AFG1L: variants seen among roughly 807,000 people sequenced by gnomAD.
AFG1L encodes the protein AFG1 like ATPase.
Under a neutral mutation model 62.2 loss-of-function variants are expected in AFG1L, and 53 were observed. That is an observed-to-expected ratio of 0.85 (90% CI 0.68 to 1.07). AFG1L has a LOEUF of 1.07. AFG1L is among the 50% of genes least tolerant of loss of function. The pLI, the probability that AFG1L is intolerant of heterozygous loss-of-function variation, is 0.00. For synonymous variants in AFG1L, 228 were observed against 210.3 expected (o/e 1.08, Z -0.73); for missense variants, 555 against 590.5 (o/e 0.94, Z 0.62).
intron 7 of AFG1L, among the ~76,000 whole-genome samples, chr6:108,405,939 A>C (rs955941565): frequency 6.6e-6 from 1 of 152,200 alleles, no homozygotes; most frequent in African/African-American, 2.4e-5. Context: ...AAGTTTATGC[A>C]TGTTGTAACA....
In AFG1L at chr6:108,436,485, C is replaced by T. The variant is rs536755809; in HGVS notation, c.808-10729C>T. Among the ~76,000 whole-genome samples the T allele has an allele frequency of 6.6e-5, 10 of 152,220 alleles. No individual in the cohort carries two copies. In the South Asian group the frequency reaches 1.0e-3, roughly 16 times the overall value. ...AAATAAACCAATCTGTTTATTGCAA[C>T]GTAGCTATTTCTCAGGAAAGCAAGC... On this transcript the variant is annotated intron_variant, in intron 7 of 12. Coordinates refer to ENST00000368977, the MANE Select transcript of AFG1L (RefSeq NM_145315.5).
Position 108,522,382 on chromosome 6 carries a change from A to C in AFG1L, c.1403A>C (p.Gln468Pro), listed in dbSNP as rs1380996164. 1 of 1,614,130 alleles carries C rather than the reference A, an allele frequency of 6.2e-7. No individual in the cohort carries two copies. The highest frequency in any genetic ancestry group is 8.5e-7 in the Non-Finnish European group (1 of 1,179,978). The change falls in exon 13 of 13, where the codon CAG (glutamine) becomes CCG (proline). Residue 468 changes from glutamine (Q) to proline (P), a missense_variant. Transcript: ENST00000368977. ...QRTISRLTEM[Q>P]TEQYWNEGDR... is the part of the protein sequence containing the mutation. ...ACAATTTCCCGACTCACGGAAATGC[A>C]GACTGAACAGTACTGGAATGAAGGA...
At chr6:108,505,249 G>A (rs1342053322) in intron 10 of AFG1L, among the ~76,000 whole-genome samples, 3 of 151,894 alleles carry the variant, frequency 2.0e-5, no homozygotes, top group South Asian at 2.1e-4. Flanking sequence ...GCCTGCCGCC[G>A]CACCCGGCTA....
chr6:108,488,502 A>C (rs536040241), intron 10 of AFG1L, among the ~76,000 whole-genome samples: 1 of 152,234 alleles, frequency 6.6e-6, no homozygotes, highest in South Asian at 2.1e-4. Context: ...AAAGGAAATC[A>C]TGAGGGGCAT....
chr6:108,497,729 A>G (rs1166555771), intron 10 of AFG1L, among the ~76,000 whole-genome samples: 1 of 152,190 alleles, frequency 6.6e-6, no homozygotes. Flanking sequence ...GTTTAAATAT[A>G]CTTATCAATT....
chr6:108,505,845 C>T (rs1332809019), intron 10 of AFG1L, among the ~76,000 whole-genome samples: 2 of 151,942 alleles, frequency 1.3e-5, no homozygotes, highest in South Asian at 2.1e-4. Flanking sequence ...GAGAGTATGA[C>T]GTTTAACCTA....
Position 108,510,217 on chromosome 6 carries a change from T to C in AFG1L, c.1068T>C (p.Leu356=). 5.6e-6 allele frequency: 9 copies of C among 1,603,434 alleles called. No individual in the cohort carries two copies. The highest frequency in any genetic ancestry group is 1.3e-5 in the African/African-American group (1 of 74,586). The stretch of plus-strand genomic sequence containing the variant: ...TTTATTTCATTTTATCATAGCCACT[T>C]GGAGCCAGTGACTATTTGGAACTAT... The part of the protein sequence containing the change: ...CTFEELCERP[L]GASDYLELSK... The change falls in exon 11 of 13, where the codon CTT becomes CTC. Residue 356 remains leucine, a synonymous_variant. Transcript: ENST00000368977.
At chr6:108,402,413 G>A (rs993847197) in intron 7 of AFG1L, among the ~76,000 whole-genome samples, 10 of 147,794 alleles carry the variant, frequency 6.8e-5, no homozygotes, top group South Asian at 2.1e-4. Context: ...GCAGTGAGCC[G>A]AGATCACGCC....
chr6:108,345,176 G>T (rs1235873997), intron 2 of AFG1L, among the ~76,000 whole-genome samples: 1 of 152,070 alleles, frequency 6.6e-6, no homozygotes, highest in East Asian at 1.9e-4. Context: ...TGTAAAAATG[G>T]TGTCTTGCAT....
chr6:108,387,987 GAAT>G (rs1389804350), intron 6 of AFG1L: 1 of 151,956 alleles, frequency 6.6e-6, no homozygotes, highest in African/African-American at 2.4e-5. Context: ...CAAATGAGTT[GAAT>G]AATTCCATCC....
At chr6:108,330,201 G>C (rs1208150778) in intron 2 of AFG1L, among the ~76,000 whole-genome samples, 2 of 122,894 alleles carry the variant, frequency 1.6e-5, no homozygotes, top group African/African-American at 2.8e-5. Context: ...TTTTTTTTGC[G>C]ACTGAGTCTC....
rs547856957 is a variant in AFG1L, at chr6:108,474,772, G to A, written c.891-2093G>A. Among the ~76,000 whole-genome samples the A allele has an allele frequency of 3.3e-5, 5 of 152,192 alleles. No individual in the cohort carries two copies. The East Asian group carries it at 9.7e-4, about 29-fold the overall frequency. The stretch of plus-strand genomic sequence containing the variant: ...TCTTGTAAATTTGTTTAAGTTCCTT[G>A]TAGATTCTGGATATTAAACCTTTGT... On this transcript the variant is annotated intron_variant, in intron 8 of 12. Coordinates refer to ENST00000368977, the MANE Select transcript of AFG1L (RefSeq NM_145315.5).
intron 7 of AFG1L, among the ~76,000 whole-genome samples, chr6:108,446,051 TACACAC>T (rs67384163): frequency 0.059 from 8,431 of 141,700 alleles, 361 homozygotes; most frequent in East Asian, 0.24. Flanking sequence ...TATGTAGAGA[TACACAC>T]ACACACACAC....
chr6:108,490,891 T>A (rs1320889878), intron 10 of AFG1L, among the ~76,000 whole-genome samples: 1 of 152,238 alleles, frequency 6.6e-6, no homozygotes, highest in African/African-American at 2.4e-5. Context: ...GCTCAGTACA[T>A]ACTTGGTAAC....
chr6:108,431,559 G>A (rs986426125), intron 7 of AFG1L, among the ~76,000 whole-genome samples: 7 of 150,434 alleles, frequency 4.7e-5, no homozygotes, highest in Non-Finnish European at 1.0e-4. Flanking sequence ...TTACACAGTA[G>A]CAGTTGCCAC....
At chr6:108,389,260 C>T (rs2114585352) in intron 6 of AFG1L, among the ~76,000 whole-genome samples, 1 of 152,136 alleles carries the variant, frequency 6.6e-6, no homozygotes, top group East Asian at 1.9e-4. Flanking sequence ...TTATTTTGAG[C>T]CTGTGTGTGT....
intron 6 of AFG1L, among the ~76,000 whole-genome samples, chr6:108,379,556 T>C (rs891727675): frequency 3.9e-5 from 6 of 152,176 alleles, no homozygotes; most frequent in Admixed American, 2.6e-4. Context: ...ATGGGAGCCG[T>C]GAAGGGCAGA....
chr6:108,502,344 T>C (rs1481317199), intron 10 of AFG1L, among the ~76,000 whole-genome samples: 1 of 152,206 alleles, frequency 6.6e-6, no homozygotes, highest in Non-Finnish European at 1.5e-5. Context: ...TAGCTGGGAT[T>C]ACAGACATGT....
At chr6:108,464,909 G>A (rs374017416) in intron 8 of AFG1L, among the ~76,000 whole-genome samples, 68 of 152,274 alleles carry the variant, frequency 4.5e-4, no homozygotes, top group Middle Eastern at 3.4e-3. Context: ...TCTGCACAAA[G>A]GCCTACTTTA....
Sources: allele counts gnomAD v4.1 joint callset (sites outside exome capture counted in the v4.1 genomes callset), GRCh38; gene constraint gnomAD v4.1.1; transcripts MANE v1.5; gene names NCBI Gene and HGNC (gene_info 2026-07-23, HGNC 2026-07-21).